The following ZSCAN10 variants were observed in gnomAD, a reference collection of about 807,000 sequenced individuals.
The protein encoded by ZSCAN10 is zinc finger and SCAN domain-containing protein 10.
In ZSCAN10, 52 loss-of-function variants were observed where a neutral mutation model predicts 63.7. The observed-to-expected ratio is 0.82, with a 90% CI of 0.65 to 1.03. The LOEUF (loss-of-function observed/expected upper bound fraction) is 1.03, where lower values mean the gene tolerates loss of function less well. Among genes scored for constraint, ZSCAN10 ranks in the 50% least tolerant of loss-of-function variants. The probability of loss-of-function intolerance (pLI) is 0.00; values close to 1 mark genes in which losing one functional copy is unlikely to be tolerated. For synonymous variants in ZSCAN10, 544 were observed against 479.6 expected (o/e 1.13, Z -1.76); for missense variants, 1,223 against 1,103.8 (o/e 1.11, Z -1.53).
Position 3,089,803 on chromosome 16 carries a change from T to A in ZSCAN10, c.1631A>T (p.His544Leu), listed in dbSNP as rs1164414148. Residue 544 changes from histidine to leucine, a missense_variant, in exon 6 of 6, where the codon CAC (histidine) becomes CTC (leucine). Coordinates refer to ENST00000576985, the MANE Select transcript of ZSCAN10 (RefSeq NM_032805.3). Reference protein sequence around the residue: ...SEHLVAHRRVHTGERPFSCQA... With the variant: ...SEHLVAHRRVLTGERPFSCQA... Reference sequence around the variant, plus strand: ...GCAGGAGAAGGGCCGCTCGCCCGTGTGCACCCTCCGGTGGGCCACCAGGTG... The same window carrying A: ...GCAGGAGAAGGGCCGCTCGCCCGTGAGCACCCTCCGGTGGGCCACCAGGTG... The A allele has an allele frequency of 1.3e-5, 20 of 1,584,428 alleles. No individual in the cohort carries two copies. The highest frequency in any genetic ancestry group is 2.7e-5 in the African/African-American group (2 of 74,556).
chr16:3,098,545 A>G (rs930994134), intron 1 of ZSCAN10, among the ~76,000 whole-genome samples: 3 of 152,230 alleles, frequency 2.0e-5, no homozygotes, highest in Non-Finnish European at 4.4e-5. Context: ...CGGAATCTCC[A>G]GGTGAGATCT....
chr16:3,098,621 C>A (rs1042557287), intron 1 of ZSCAN10, among the ~76,000 whole-genome samples: 2 of 152,168 alleles, frequency 1.3e-5, no homozygotes, highest in Admixed American at 6.5e-5. Flanking sequence ...TCCCTCCCCC[C>A]AGATCTCCAG....
Position 3,094,125 on chromosome 16 carries a change from G to A in ZSCAN10, c.-67-1121C>T, listed in dbSNP as rs62032660. On this transcript the variant is annotated intron_variant, in intron 1 of 5. Transcript: ENST00000576985. ...TCTGCTGGGCTCAAGTGATCCTCCC[G>A]CGTCAGCCTCCCGAGTAGCTGGGAC... Among the ~76,000 whole-genome samples the A allele has an allele frequency of 1.7e-3, 262 of 152,192 alleles. 6 individuals are homozygous for A. The East Asian group carries it at 0.043, about 25-fold the overall frequency.
In ZSCAN10 at chr16:3,088,959, C is replaced by A. The variant is rs1314347574; in HGVS notation, c.*132G>T. On this transcript the variant is annotated 3_prime_UTR_variant, in exon 6 of 6. Coordinates refer to ENST00000576985, the MANE Select transcript of ZSCAN10 (RefSeq NM_032805.3). Reference sequence around the variant, plus strand: ...TGAGGCCAGAAAGCAATGCCTCGGCCAGGGAAGGACAGCTGTGAAAGTGGA... The same window carrying A: ...TGAGGCCAGAAAGCAATGCCTCGGCAAGGGAAGGACAGCTGTGAAAGTGGA... 5.9e-6 allele frequency: 8 copies of A among 1,366,366 alleles called. No individual in the cohort carries two copies. In the African/African-American group the frequency reaches 7.7e-5, roughly 13 times the overall value. 84.6% of individuals were successfully genotyped at this position (1,366,366 alleles called of 1,614,324 possible).
rs1261299820 is a variant in ZSCAN10, at chr16:3,092,335, A to C, written c.397-19T>G. 1.9e-6 allele frequency: 3 copies of C among 1,577,000 alleles called. No individual in the cohort carries two copies. In the Admixed American group the frequency reaches 5.2e-5, roughly 28 times the overall value. Reference sequence around the variant, plus strand: ...TAAAATCCTGTTCAAAACACATTCAAGTTAAGTGACTCCCGGGGTGGCAAC... The same window carrying C: ...TAAAATCCTGTTCAAAACACATTCACGTTAAGTGACTCCCGGGGTGGCAAC... On this transcript the variant is annotated intron_variant, in intron 2 of 5. Coordinates refer to ENST00000576985, the MANE Select transcript of ZSCAN10 (RefSeq NM_032805.3).
At position 3,092,376 on chromosome 16, in the gene ZSCAN10, G is replaced by A. The variant is rs749517867; in HGVS notation, c.397-60C>T. 10 of 1,544,554 alleles carry A rather than the reference G, an allele frequency of 6.5e-6. No homozygotes were observed. In the South Asian group the frequency reaches 8.7e-5, roughly 13 times the overall value. ...GGGTGGCAACCTGTGTCCTGACTCC[G>A]AGGGGACATGGGACAGAAACGAGGT... On this transcript the variant is annotated intron_variant, in intron 2 of 5. Coordinates refer to ENST00000576985, the MANE Select transcript of ZSCAN10 (RefSeq NM_032805.3).
intron 1 of ZSCAN10, 78 bp from the exon 2 acceptor site, chr16:3,093,082 C>T: frequency 9.0e-7 from 1 of 1,115,626 alleles, no homozygotes; most frequent in Non-Finnish European, 1.2e-6. Context: ...TGTTAAAAGA[C>T]ACCCAATACG....
chr16:3,094,640 C>T (rs751400794), intron 1 of ZSCAN10, among the ~76,000 whole-genome samples: 2 of 152,082 alleles, frequency 1.3e-5, no homozygotes, highest in Non-Finnish European at 2.9e-5. Flanking sequence ...CCACCCCGCC[C>T]GACCTAATGG....
chr16:3,093,211 T>C (rs551033675), intron 1 of ZSCAN10: 9 of 328,466 alleles, frequency 2.7e-5, no homozygotes, highest in African/African-American at 1.9e-4. Flanking sequence ...TGTATTATCA[T>C]CCCTCCTTAA....
chr16:3,098,740 G>C (rs1957186531), intron 1 of ZSCAN10, among the ~76,000 whole-genome samples: 1 of 152,232 alleles, frequency 6.6e-6, no homozygotes, highest in African/African-American at 2.4e-5. Flanking sequence ...TTTGGAGCCC[G>C]GGGTGGAGGT....
chr16:3,091,556 C>A lies in ZSCAN10; in HGVS notation c.771G>T (p.Trp257Cys). The change falls in exon 5 of 6, where the codon TGG becomes TGT. Residue 257 changes from tryptophan (W) to cysteine (C), a missense_variant. Transcript: ENST00000576985. The stretch of plus-strand genomic sequence containing the variant: ...GTTGCTTACCCAGGGGGTGTGCAGG[C>A]CACGCCTTATTCTCTGGCACATCCT... ...TFEDVPENKA[W>C]PAHPLGFGSR... 6.2e-7 allele frequency: 1 copy of A among 1,614,150 alleles called. No individual in the cohort carries two copies. The highest frequency in any genetic ancestry group is 1.3e-5 in the African/African-American group (1 of 75,020).
chr16:3,095,376 G>A (rs920381754), intron 1 of ZSCAN10, among the ~76,000 whole-genome samples: 2 of 151,722 alleles, frequency 1.3e-5, no homozygotes, highest in African/African-American at 4.9e-5. Flanking sequence ...AATTAGCCAC[G>A]GGTGGTGGCG....
Position 3,091,775 on chromosome 16 carries a change from C to A in ZSCAN10, c.718G>T (p.Ala240Ser). ...PEESSRDQEL[A>S]AVLECLTFED... ...GCGGCCCAGCTCACCAGCACAGCCG[C>A]CAGCTCCTGATCTCGGGAACTCTCC... Residue 240 changes from alanine (A) to serine (S), a missense_variant, in exon 4 of 6, where the codon GCG (alanine) becomes TCG (serine). Physicochemically the swap from Ala to Ser is moderately conservative, Grantham distance 99. Coordinates refer to ENST00000576985, the MANE Select transcript of ZSCAN10 (RefSeq NM_032805.3). The A allele has an allele frequency of 6.4e-7, 1 of 1,572,384 alleles. No individual in the cohort carries two copies.
intron 5 of ZSCAN10, 24 bp from the exon 6 acceptor site, chr16:3,090,670 A>G (rs1957061908): frequency 4.0e-6 from 6 of 1,512,308 alleles, no homozygotes; most frequent in Non-Finnish European, 5.3e-6. Flanking sequence ...CAAAACAGGG[A>G]CGGTCAGGCC....
In ZSCAN10 at chr16:3,089,891, G is replaced by T. The variant is rs761819689; in HGVS notation, c.1543C>A (p.Arg515=). The change falls in exon 6 of 6, where the codon CGG becomes AGG. Residue 515 remains arginine, a synonymous_variant. Transcript: ENST00000576985. Reference sequence around the variant, plus strand: ...ACGAAGGGCCTCCGGTCGGAGTCCCGGCGGCGGCTGCCGGAGCCTTCGGAG... The same window carrying T: ...ACGAAGGGCCTCCGGTCGGAGTCCCTGCGGCGGCTGCCGGAGCCTTCGGAG... ...RSSEGSGSRR[R]DSDRRPFVCS... 8.7e-5 allele frequency: 133 copies of T among 1,535,008 alleles called. No homozygotes were observed. The highest frequency in any genetic ancestry group is 1.1e-4 in the Non-Finnish European group (128 of 1,145,382).
At position 3,089,588 on chromosome 16, in the gene ZSCAN10, CGAA is replaced by C; in HGVS notation, c.1843_1845del (p.Phe615del). On this transcript the variant is annotated inframe_deletion, in exon 6 of 6. Coordinates refer to ENST00000576985, the MANE Select transcript of ZSCAN10 (RefSeq NM_032805.3). ...TGGCGGGCCAGATCCTGGGTCTGGC[CGAA>C]ACTCTTCCCGCACTGGGTGCAGTGG... The C allele has an allele frequency of 6.3e-7, 1 of 1,584,216 alleles. No individual in the cohort carries two copies. The highest frequency in any genetic ancestry group is 8.6e-7 in the Non-Finnish European group (1 of 1,166,288).
In ZSCAN10 at chr16:3,089,689, T is replaced by C; in HGVS notation, c.1745A>G (p.Gln582Arg). The C allele has an allele frequency of 1.2e-6, 2 of 1,604,646 alleles. No homozygotes were observed. The highest frequency in any genetic ancestry group is 2.2e-5 in the South Asian group (2 of 90,422). Residue 582 changes from glutamine to arginine, a missense_variant, in exon 6 of 6, where the codon CAG becomes CGG. Physicochemically the swap from Gln to Arg is conservative, Grantham distance 43. Transcript: ENST00000576985. ...CCGGCGCACAAAGCGCTTCCCGCAC[T>C]GCGGACAGGCGTAGGGCTTCTCGCC... is the stretch of plus-strand genomic sequence containing the variant. ...HTGEKPYACP[Q>R]CGKRFVRRAS...
At chr16:3,095,224 T>C (rs886083347) in intron 1 of ZSCAN10, among the ~76,000 whole-genome samples, 2 of 151,140 alleles carry the variant, frequency 1.3e-5, no homozygotes, top group African/African-American at 2.4e-5. Flanking sequence ...TCTAAAAAAA[T>C]TAAAAATGTA....
At chr16:3,091,329 G>C (rs1957071332) in intron 5 of ZSCAN10, among the ~76,000 whole-genome samples, 1 of 152,056 alleles carries the variant, frequency 6.6e-6, no homozygotes, top group South Asian at 2.1e-4. Context: ...AAGTCAGGTA[G>C]GGTCTGGAGC....
Sources: allele counts gnomAD v4.1 joint callset (sites outside exome capture counted in the v4.1 genomes callset), GRCh38; gene constraint gnomAD v4.1.1; transcripts MANE v1.5; gene names NCBI Gene and HGNC (gene_info 2026-07-23, HGNC 2026-07-21).